The following PRKCE variants were observed in gnomAD, a reference collection of about 807,000 sequenced individuals.
The protein encoded by PRKCE is protein kinase C epsilon.
A neutral mutation model predicts 85.4 loss-of-function variants in PRKCE; 16 were observed. That is an observed-to-expected ratio of 0.19 (90% confidence interval 0.13 to 0.28). The LOEUF is 0.28. PRKCE is among the 10% of genes least tolerant of loss of function. The probability of loss-of-function intolerance (pLI) is 1.00; values close to 1 mark genes in which losing one functional copy is unlikely to be tolerated. For missense variants in PRKCE, 573 were observed against 975.2 expected, an observed-to-expected ratio of 0.59 and a Z score of 5.49; for synonymous variants, 388 against 371.5, an observed-to-expected ratio of 1.04 and a Z score of -0.51.
At chr2:45,912,900 C>T (rs939124637) in intron 2 of PRKCE, among the ~76,000 whole-genome samples, 4 of 152,086 alleles carry the variant, frequency 2.6e-5, no homozygotes, top group Non-Finnish European at 4.4e-5. Flanking sequence ...AGAATGAAGT[C>T]CTGATGGAGT....
chr2:45,689,054 G>A (rs1677520107), intron 1 of PRKCE, among the ~76,000 whole-genome samples: 1 of 152,214 alleles, frequency 6.6e-6, no homozygotes, highest in African/African-American at 2.4e-5. Flanking sequence ...AATGTGCTGT[G>A]GGGCGTGCTT....
At chr2:46,061,853 C>CTTTTTTTTTTT (rs111335265) in intron 10 of PRKCE, among the ~76,000 whole-genome samples, 1 of 107,816 alleles carries the variant, frequency 9.3e-6, no homozygotes, top group African/African-American at 4.9e-5. Context: ...CTTTTCTTTT[C>CTTTTTTTTTTT]TTTTTCTTTT....
rs1405327039 is a variant in PRKCE at position 45,944,999 on chromosome 2, C to T, written c.413-31430C>T. 6.6e-5 allele frequency among the ~76,000 whole-genome samples: 10 copies of T among 152,164 alleles called. No homozygotes were observed. The East Asian group carries it at 1.9e-3, about 29-fold the overall frequency. ...CTTTTCCTTTCCAGTAATGCTTCTT[C>T]CACTTCTTGTTCCTCTTTCAACTTC... On this transcript the variant is annotated intron_variant, in intron 2 of 14. Coordinates refer to ENST00000306156, the MANE Select transcript of PRKCE (RefSeq NM_005400.3).
chr2:45,816,423 A>G (rs1689048114), intron 1 of PRKCE, among the ~76,000 whole-genome samples: 1 of 152,182 alleles, frequency 6.6e-6, no homozygotes, highest in Non-Finnish European at 1.5e-5. Context: ...GGGATGAGAC[A>G]GCATGGGCTT....
intron 1 of PRKCE, among the ~76,000 whole-genome samples, chr2:45,744,417 CTTTCTTTCTT>C (rs1682868812): frequency 1.9e-4 from 2 of 10,516 alleles, no homozygotes; most frequent in African/African-American, 4.0e-4. Context: ...CTTTTCTTTT[CTTTCTTTCTT>C]TCTTTCTTTC....
chr2:45,724,638 T>C (rs903679201), intron 1 of PRKCE, among the ~76,000 whole-genome samples: 6 of 152,224 alleles, frequency 3.9e-5, no homozygotes. Flanking sequence ...TTAAAAGTAT[T>C]GCTCCAGTAA....
intron 11 of PRKCE, among the ~76,000 whole-genome samples, chr2:46,108,222 T>A (rs982131240): frequency 2.6e-5 from 4 of 152,180 alleles, no homozygotes; most frequent in Admixed American, 2.6e-4. Context: ...TATTTTTGAG[T>A]TTTATGAGTT....
At chr2:45,996,254 G>A (rs543423906) in intron 6 of PRKCE, among the ~76,000 whole-genome samples, 65 of 151,992 alleles carry the variant, frequency 4.3e-4, no homozygotes, top group Non-Finnish European at 8.2e-4. Flanking sequence ...GGAGTTTTTT[G>A]TTGATTCTTT....
At chr2:45,700,801 C>T (rs1444107355) in intron 1 of PRKCE, among the ~76,000 whole-genome samples, 1 of 152,096 alleles carries the variant, frequency 6.6e-6, no homozygotes, top group African/African-American at 2.4e-5. Context: ...TCCAATATGA[C>T]TGGTGTCCTT....
intron 10 of PRKCE, among the ~76,000 whole-genome samples, chr2:46,044,677 T>C (rs1708412387): frequency 6.6e-6 from 1 of 152,176 alleles, no homozygotes; most frequent in South Asian, 2.1e-4. Flanking sequence ...CTAATAACAG[T>C]AGGAATGCTG....
chr2:46,183,303 T>G (rs1247868888), intron 14 of PRKCE, among the ~76,000 whole-genome samples: 1 of 152,218 alleles, frequency 6.6e-6, no homozygotes, highest in African/African-American at 2.4e-5. Context: ...AAGAGCAGGG[T>G]AGAAAACATG....
chr2:45,774,826 C>A lies in PRKCE; in HGVS notation c.349-68174C>A, dbSNP rs1365706244. On this transcript the variant is annotated intron_variant, in intron 1 of 14. Coordinates refer to ENST00000306156, the MANE Select transcript of PRKCE (RefSeq NM_005400.3). This position sits in a 1 kb window ranked among gnomAD's most constrained non-coding sequence, Gnocchi z 4.3. ...CACCCTTTCCCGTGTGCCTGGGAGT[C>A]TCAGTCCTGCTCCTCCCATTCCTGA... is the stretch of plus-strand genomic sequence containing the variant. 2.0e-5 allele frequency among the ~76,000 whole-genome samples: 3 copies of A among 152,154 alleles called. No homozygotes were observed. Among genetic ancestry groups the A allele is most frequent in the Non-Finnish European group, 4.4e-5 (3 of 68,040 alleles).
chr2:46,027,247 G>GT (rs1245154484), intron 10 of PRKCE, among the ~76,000 whole-genome samples: 1 of 152,044 alleles, frequency 6.6e-6, no homozygotes, highest in Non-Finnish European at 1.5e-5. Flanking sequence ...AGGTAGGAGG[G>GT]TAGGTTGAGC....
In PRKCE at chr2:46,001,363, C is replaced by G. The variant is rs759020639; in HGVS notation, c.824-41C>G. Reference sequence around the variant, plus strand: ...CAAAGAAAAGAAGCAACATCTTAGGCCATGAACACTTATCTGTCTTTTCTC... The same window carrying G: ...CAAAGAAAAGAAGCAACATCTTAGGGCATGAACACTTATCTGTCTTTTCTC... On this transcript the variant is annotated intron_variant, in intron 6 of 14. Transcript: ENST00000306156. This position sits in a 1 kb window ranked among gnomAD's most constrained non-coding sequence, Gnocchi z 4.4. 1.9e-6 allele frequency: 3 copies of G among 1,569,872 alleles called. No individual in the cohort carries two copies. The East Asian group carries it at 6.8e-5, about 36-fold the overall frequency.
At chr2:45,922,542 C>T (rs183987436) in intron 2 of PRKCE, among the ~76,000 whole-genome samples, 7 of 152,286 alleles carry the variant, frequency 4.6e-5, no homozygotes, top group Admixed American at 4.6e-4. Context: ...TTTTGGATGA[C>T]CCGCCACCTG....
intron 1 of PRKCE, among the ~76,000 whole-genome samples, chr2:45,826,016 G>C (rs1041549171): frequency 5.9e-5 from 9 of 152,184 alleles, no homozygotes; most frequent in Admixed American, 5.9e-4. Flanking sequence ...GCTTTTATAA[G>C]TCATGTGTCT....
chr2:45,969,056 T>G (rs1054115650), intron 2 of PRKCE, among the ~76,000 whole-genome samples: 1 of 150,458 alleles, frequency 6.6e-6, no homozygotes, highest in Non-Finnish European at 1.5e-5. Context: ...AAAATATTCA[T>G]TGATATAAAA....
intron 1 of PRKCE, among the ~76,000 whole-genome samples, chr2:45,795,528 T>G (rs1687369361): frequency 1.3e-5 from 2 of 152,144 alleles, no homozygotes; most frequent in African/African-American, 4.8e-5. Context: ...CAGGCTGGTC[T>G]CGAACTCCTG....
In PRKCE at chr2:46,004,556, C is replaced by T. The variant is rs376171094; in HGVS notation, c.981C>T (p.Ala327=). 50 of 1,585,272 alleles carry T rather than the reference C, an allele frequency of 3.2e-5. No homozygotes were observed. Among genetic ancestry groups the T allele is most frequent in the Middle Eastern group, 1.6e-4 (1 of 6,064 alleles). Residue 327 remains alanine, a synonymous_variant, in exon 8 of 15, where the codon GCC becomes GCT. Coordinates refer to ENST00000306156, the MANE Select transcript of PRKCE (RefSeq NM_005400.3). The surrounding 1 kb of genome is among the most constrained non-coding windows in gnomAD (Gnocchi z 4.1). Reference sequence around the variant, plus strand: ...CTCCTCTCTAGCTCATTGCTGGTGCCGAGTCCCCGCAGCCTGCTTCTGGAA... The same window carrying T: ...CTCCTCTCTAGCTCATTGCTGGTGCTGAGTCCCCGCAGCCTGCTTCTGGAA... ...GQRRKKLIAG[A]ESPQPASGSS...
Sources: allele counts gnomAD v4.1 joint callset (sites outside exome capture counted in the v4.1 genomes callset), GRCh38; gene constraint gnomAD v4.1.1; non-coding constraint Gnocchi (gnomAD v3.1); transcripts MANE v1.5; gene names NCBI Gene and HGNC (gene_info 2026-07-23, HGNC 2026-07-21).